The following MAD1L1 variants were observed in gnomAD, a reference collection of about 807,000 sequenced individuals.
The protein encoded by MAD1L1 is mitotic spindle assembly checkpoint protein MAD1.
A neutral mutation model predicts 96.9 loss-of-function variants in MAD1L1; 95 were observed. That is an observed-to-expected ratio of 0.98 (90% CI 0.83 to 1.16). The LOEUF is 1.16. Ranked by LOEUF, MAD1L1 falls within the 50% of genes most tolerant of loss-of-function variation. MAD1L1 has a pLI of 0.00. For synonymous variants in MAD1L1, 473 were observed against 396.6 expected (o/e 1.19, Z -2.29); for missense variants, 1,007 against 954.4 (o/e 1.06, Z -0.73).
chr7:2,069,712 G>A (rs1326415906), intron 11 of MAD1L1, among the ~76,000 whole-genome samples: 1 of 152,212 alleles, frequency 6.6e-6, no homozygotes, highest in Non-Finnish European at 1.5e-5. Flanking sequence ...GGAAGCAAGC[G>A]CCAGGCGCCT....
At chr7:1,900,445 T>C (rs73671908) in intron 17 of MAD1L1, among the ~76,000 whole-genome samples, 8,775 of 152,216 alleles carry the variant, frequency 0.058, 589 homozygotes, top group African/African-American at 0.16. Context: ...CTCCCTCCGT[T>C]GCTGGCAAAG....
chr7:1,989,076 T>G (rs1781289537), intron 14 of MAD1L1, among the ~76,000 whole-genome samples: 1 of 152,172 alleles, frequency 6.6e-6, no homozygotes, highest in African/African-American at 2.4e-5. Context: ...ATTTACAAAG[T>G]GGGCAATGGA....
chr7:1,824,839 G>C (rs73286624), intron 18 of MAD1L1, among the ~76,000 whole-genome samples: 8,421 of 151,934 alleles, frequency 0.055, 563 homozygotes, highest in African/African-American at 0.16. Flanking sequence ...AATCTGACGC[G>C]TCCCAGGCAC....
rs1019642584 is a variant in MAD1L1 at position 2,194,799 on chromosome 7, C to T, written c.986+18413G>A. On this transcript the variant is annotated intron_variant, in intron 10 of 18. Transcript: ENST00000265854. ...TATTATTAAAAGTCTTTGGGCTGGA[C>T]GCAGTGGCTCATACTGATAATCCCA... is the stretch of plus-strand genomic sequence containing the variant. Among the ~76,000 whole-genome samples, 6 of 152,066 alleles carry T rather than the reference C, an allele frequency of 3.9e-5. No individual in the cohort carries two copies. In the East Asian group the frequency reaches 7.7e-4, roughly 20 times the overall value.
At chr7:2,179,998 A>T (rs182869539) in intron 10 of MAD1L1, among the ~76,000 whole-genome samples, 4 of 152,174 alleles carry the variant, frequency 2.6e-5, no homozygotes, top group Admixed American at 2.0e-4. Flanking sequence ...GAAAAGAAAG[A>T]AAGTCCTGTC....
intron 11 of MAD1L1, among the ~76,000 whole-genome samples, chr7:2,086,938 TAA>T (rs1284746232): frequency 2.0e-5 from 3 of 152,220 alleles, no homozygotes; most frequent in African/African-American, 7.2e-5. Context: ...CCAGGAATCC[TAA>T]GAGTTACAAG....
Position 2,088,646 on chromosome 7 carries a change from C to G in MAD1L1, c.1074-19308G>C, listed in dbSNP as rs371841978. On this transcript the variant is annotated intron_variant, in intron 11 of 18. Transcript: ENST00000265854. This position sits in a 1 kb window ranked among gnomAD's most constrained non-coding sequence, Gnocchi z 4.4. Reference sequence around the variant, plus strand: ...CCATGAGCGAGAGGCAGCAAGGGGACGGGTGGAGGGAGTGCCATCTGTCAC... The same window carrying G: ...CCATGAGCGAGAGGCAGCAAGGGGAGGGGTGGAGGGAGTGCCATCTGTCAC... The G allele has an allele frequency of 1.2e-4, 19 of 152,606 alleles. No homozygotes were observed. The highest frequency in any genetic ancestry group is 1.2e-3 in the Admixed American group (19 of 15,274). 9.5% of individuals were successfully genotyped at this position (152,606 alleles called of 1,614,324 possible).
intron 17 of MAD1L1, among the ~76,000 whole-genome samples, chr7:1,906,812 G>A (rs574070548): frequency 3.3e-5 from 5 of 152,306 alleles, no homozygotes; most frequent in African/African-American, 9.6e-5. Flanking sequence ...CTGCCCCTGC[G>A]CAAGCTACAC....
chr7:2,176,537 T>G (rs1321239129), intron 10 of MAD1L1, among the ~76,000 whole-genome samples: 2 of 152,274 alleles, frequency 1.3e-5, no homozygotes, highest in East Asian at 3.9e-4. Context: ...TGTCTTTATT[T>G]GCAAATAGCA....
intron 18 of MAD1L1, among the ~76,000 whole-genome samples, chr7:1,857,786 C>G (rs576490855): frequency 1.3e-5 from 2 of 152,348 alleles, no homozygotes; most frequent in South Asian, 4.1e-4. Context: ...GCCAGCACGA[C>G]GCCCCCTCTG....
At chr7:2,171,828 G>A (rs2128595360) in intron 10 of MAD1L1, among the ~76,000 whole-genome samples, 1 of 152,360 alleles carries the variant, frequency 6.6e-6, no homozygotes, top group South Asian at 2.1e-4. Context: ...ACCGTGCCCA[G>A]TAAGAGGGCA....
At chr7:2,002,638 C>A (rs1460963813) in intron 13 of MAD1L1, among the ~76,000 whole-genome samples, 1 of 152,202 alleles carries the variant, frequency 6.6e-6, no homozygotes, top group African/African-American at 2.4e-5. Flanking sequence ...CAGGAAGGGT[C>A]TCCTGCCCCG....
intron 12 of MAD1L1, among the ~76,000 whole-genome samples, chr7:2,030,095 C>T (rs879559463): frequency 7.2e-5 from 11 of 152,168 alleles, no homozygotes; most frequent in Non-Finnish European, 8.8e-5. Context: ...AGCTGCTCCC[C>T]GTGTAATCCT....
intron 11 of MAD1L1, among the ~76,000 whole-genome samples, chr7:2,109,932 C>T (rs1224550660): frequency 6.6e-6 from 1 of 152,242 alleles, no homozygotes; most frequent in Non-Finnish European, 1.5e-5. Context: ...ATCCACCCTT[C>T]TCCACAGCGC....
At chr7:1,912,801 G>A (rs542012689) in intron 17 of MAD1L1, among the ~76,000 whole-genome samples, 13 of 152,294 alleles carry the variant, frequency 8.5e-5, no homozygotes, top group South Asian at 2.1e-4. Context: ...CACAGAACAC[G>A]GCCACCTCAT....
At chr7:1,879,640 T>A (rs1380103348) in intron 18 of MAD1L1, among the ~76,000 whole-genome samples, 1 of 152,240 alleles carries the variant, frequency 6.6e-6, no homozygotes, top group Non-Finnish European at 1.5e-5. Flanking sequence ...TTACTTGACT[T>A]TGAGACTTAC....
intron 11 of MAD1L1, chr7:2,079,750 AGCACG>A (rs1208048495): frequency 2.1e-6 from 1 of 470,980 alleles, no homozygotes; most frequent in South Asian, 1.5e-5. Context: ...AGCCCCGGCA[AGCACG>A]GCCGCAGGGA....
chr7:1,986,544 G>T (rs968360100), intron 14 of MAD1L1, among the ~76,000 whole-genome samples: 2 of 148,560 alleles, frequency 1.3e-5, no homozygotes, highest in Admixed American at 1.3e-4. Context: ...CCGGCAAGGG[G>T]GTTCTACTCC....
intron 11 of MAD1L1, among the ~76,000 whole-genome samples, chr7:2,089,874 A>T (rs1400304244): frequency 2.0e-5 from 3 of 152,200 alleles, no homozygotes; most frequent in African/African-American, 7.2e-5. Context: ...CCAGGCTAAC[A>T]CACACCTGCC....
Sources: gnomAD v4.1 joint callset for allele counts (sites outside exome capture counted in the v4.1 genomes callset) on GRCh38, gnomAD v4.1.1 for gene constraint, Gnocchi (gnomAD v3.1) non-coding constraint, MANE v1.5 for transcripts, NCBI Gene and HGNC (gene_info 2026-07-23, HGNC 2026-07-21) for gene names.